The following RBFOX1 variants were observed in gnomAD, a reference collection of about 807,000 sequenced individuals.
RBFOX1 encodes the protein RNA binding fox-1 homolog 1, also known as RNA binding protein fox-1 homolog 1.
RBFOX1 carries 8 observed loss-of-function variants against 57.7 expected under a neutral mutation model. The ratio of observed to expected loss-of-function variants is 0.14; its 90% confidence interval spans 0.08 to 0.25. The LOEUF (loss-of-function observed/expected upper bound fraction) is 0.25. RBFOX1 is among the 10% of genes least tolerant of loss of function. The pLI, the probability that RBFOX1 is intolerant of heterozygous loss-of-function variation, is 1.00. For synonymous variants in RBFOX1, 326 were observed against 222.4 expected (o/e 1.47, Z -4.15); for missense variants, 611 against 548.5 (o/e 1.11, Z -1.14).
At chr16:6,360,234 C>A (rs1290241868) in intron 2 of RBFOX1, among the ~76,000 whole-genome samples, 1 of 149,330 alleles carries the variant, frequency 6.7e-6, no homozygotes, top group African/African-American at 2.5e-5. Context: ...TGTAATATTT[C>A]TTTATAGATT....
chr16:7,413,802 G>A (rs1378982820), intron 4 of RBFOX1, among the ~76,000 whole-genome samples: 2 of 152,104 alleles, frequency 1.3e-5, no homozygotes, highest in African/African-American at 4.8e-5. Flanking sequence ...CTGGATCCCA[G>A]GTACCTCTCA....
chr16:7,086,398 C>G (rs1056380870), intron 4 of RBFOX1, among the ~76,000 whole-genome samples: 1 of 152,114 alleles, frequency 6.6e-6, no homozygotes, highest in Admixed American at 6.6e-5. Context: ...ATATTAATTT[C>G]TTCTTTATCC....
intron 1 of RBFOX1, among the ~76,000 whole-genome samples, chr16:6,260,852 GC>G (rs1266532152): frequency 6.6e-6 from 1 of 151,992 alleles, no homozygotes; most frequent in Non-Finnish European, 1.5e-5. Flanking sequence ...CTTCCTTCCA[GC>G]CTGGGCAACA....
chr16:6,086,143 G>T (rs1372117248), intron 1 of RBFOX1, among the ~76,000 whole-genome samples: 1 of 152,120 alleles, frequency 6.6e-6, no homozygotes, highest in East Asian at 1.9e-4. Flanking sequence ...TCCTTGCAAA[G>T]GACGTGATTT....
intron 3 of RBFOX1, among the ~76,000 whole-genome samples, chr16:6,774,813 G>A (rs1173099507): frequency 6.6e-6 from 1 of 151,886 alleles, no homozygotes; most frequent in Non-Finnish European, 1.5e-5. Flanking sequence ...CAATATAGTA[G>A]CCATGAGCCG....
intron 4 of RBFOX1, among the ~76,000 whole-genome samples, chr16:6,003,749 C>T (rs1245285693): frequency 3.3e-5 from 5 of 152,198 alleles, no homozygotes; most frequent in Non-Finnish European, 5.9e-5. Flanking sequence ...GTCTGCAAAA[C>T]AGCTAAGCCA....
intron 2 of RBFOX1, among the ~76,000 whole-genome samples, chr16:5,558,770 T>G (rs1399376344): frequency 1.3e-5 from 2 of 152,028 alleles, no homozygotes; most frequent in Non-Finnish European, 2.9e-5. Flanking sequence ...AGCCCCCAAT[T>G]CAGATCAAGG....
At chr16:6,875,348 C>T (rs1014553224) in intron 3 of RBFOX1, among the ~76,000 whole-genome samples, 2 of 152,082 alleles carry the variant, frequency 1.3e-5, no homozygotes, top group African/African-American at 4.8e-5. Context: ...GTCCTTTATA[C>T]ACAGCTTTGA....
At chr16:6,252,913 C>T (rs1161138205) in intron 1 of RBFOX1, among the ~76,000 whole-genome samples, 2 of 152,026 alleles carry the variant, frequency 1.3e-5, no homozygotes, top group African/African-American at 4.8e-5. Context: ...TCAAGAACAA[C>T]AATGTATTGT....
At chr16:7,546,802 C>T (rs530182049) in intron 5 of RBFOX1, among the ~76,000 whole-genome samples, 1 of 152,278 alleles carries the variant, frequency 6.6e-6, no homozygotes, top group African/African-American at 2.4e-5. Flanking sequence ...TAGTTGGACA[C>T]TTAAATTTTT....
intron 2 of RBFOX1, among the ~76,000 whole-genome samples, chr16:6,344,630 C>G (rs983197622): frequency 6.7e-6 from 1 of 150,054 alleles, no homozygotes; most frequent in Admixed American, 6.7e-5. Flanking sequence ...ATCTCCTGAC[C>G]TCGTGATTTG....
intron 1 of RBFOX1, among the ~76,000 whole-genome samples, chr16:5,353,515 A>T (rs796550772): frequency 1.3e-5 from 2 of 152,144 alleles, no homozygotes; most frequent in African/African-American, 4.8e-5. Flanking sequence ...CCCATTTGCA[A>T]ATGCAGGATG....
chr16:6,662,155 C>A (rs553223639), intron 3 of RBFOX1, among the ~76,000 whole-genome samples: 1 of 151,410 alleles, frequency 6.6e-6, no homozygotes, highest in Non-Finnish European at 1.5e-5. Context: ...AAGGGAGGAT[C>A]TTGGTCAAAG....
intron 4 of RBFOX1, among the ~76,000 whole-genome samples, chr16:7,205,759 G>T (rs2089834075): frequency 1.3e-5 from 2 of 152,206 alleles, no homozygotes; most frequent in African/African-American, 4.8e-5. Flanking sequence ...CTTTGAAAAG[G>T]GCAAAAGTGA....
chr16:6,898,914 C>CATATGTGT (rs982455913), intron 3 of RBFOX1, among the ~76,000 whole-genome samples: 1 of 149,528 alleles, frequency 6.7e-6, no homozygotes, highest in Non-Finnish European at 1.5e-5. Flanking sequence ...TGTGTTTGTG[C>CATATGTGT]ATATGTGTAT....
chr16:6,979,803 C>A (rs1052568253), intron 3 of RBFOX1, among the ~76,000 whole-genome samples: 1 of 152,146 alleles, frequency 6.6e-6, no homozygotes, highest in African/African-American at 2.4e-5. Context: ...ACCCTTTTCT[C>A]CTGCCTACAG....
rs1030493068 is a variant in RBFOX1 at position 7,131,689 on chromosome 16, C to T, written c.27+79591C>T. On this transcript the variant is annotated intron_variant, in intron 4 of 15. Transcript: ENST00000550418. ...GCATAAAGTCAATATTGTCTTTTTGCCAGACAGTAAGCCAAGCATAACCGC... is the reference window on the plus strand; with the variant it reads ...GCATAAAGTCAATATTGTCTTTTTGTCAGACAGTAAGCCAAGCATAACCGC... Among the ~76,000 whole-genome samples, 7 of 151,896 alleles carry T rather than the reference C, an allele frequency of 4.6e-5. No individual in the cohort carries two copies. The East Asian group carries it at 1.4e-3, about 30-fold the overall frequency.
chr16:7,010,430 C>G (rs924533422), intron 3 of RBFOX1, among the ~76,000 whole-genome samples: 1 of 152,138 alleles, frequency 6.6e-6, no homozygotes, highest in African/African-American at 2.4e-5. Flanking sequence ...CCAGTGAGAC[C>G]TCTTAGAGTT....
chr16:5,741,576 A>G lies in RBFOX1; in HGVS notation c.319-125727A>G, dbSNP rs146572052. ...TAATCATTAAAGGAGATGTAAAAAC[A>G]TATTTTATACACAATCTTTTATCTT... On this transcript the variant is annotated intron_variant, in intron 3 of 19. Transcript: ENST00000641259. 4.4e-3 allele frequency among the ~76,000 whole-genome samples: 670 copies of G among 152,302 alleles called. 6 individuals are homozygous for G. Among genetic ancestry groups the G allele is most frequent in the African/African-American group, 0.015 (629 of 41,562 alleles).
Sources: gnomAD v4.1 joint callset for allele counts (sites outside exome capture counted in the v4.1 genomes callset) on GRCh38, gnomAD v4.1.1 for gene constraint, MANE v1.5 for transcripts, NCBI Gene and HGNC (gene_info 2026-07-23, HGNC 2026-07-21) for gene names.